Variants in SPAG16 observed in about 807,000 individuals in gnomAD.
The protein encoded by SPAG16 is sperm-associated antigen 16 protein.
SPAG16 carries 86 observed loss-of-function variants against 80.4 expected under a neutral mutation model. The observed-to-expected ratio is 1.07, with a 90% CI of 0.90 to 1.28. The LOEUF is 1.28. Ranked by LOEUF, SPAG16 falls within the 50% of genes most tolerant of loss-of-function variation. The pLI is 0.00. For synonymous variants in SPAG16, 294 were observed against 265.9 expected (o/e 1.11, Z -1.03); for missense variants, 870 against 765.3 (o/e 1.14, Z -1.61).
chr2:214,028,168 A>G (rs929772855), intron 13 of SPAG16, among the ~76,000 whole-genome samples: 4 of 151,832 alleles, frequency 2.6e-5, no homozygotes, highest in African/African-American at 9.7e-5. Context: ...CCTTTTCCGT[A>G]TTTTCTGTAT....
At chr2:213,851,699 C>T (rs1040271028) in intron 10 of SPAG16, among the ~76,000 whole-genome samples, 3 of 152,150 alleles carry the variant, frequency 2.0e-5, no homozygotes, top group African/African-American at 7.2e-5. Context: ...TTAGCACTAC[C>T]AGCCAGGTGG....
intron 11 of SPAG16, among the ~76,000 whole-genome samples, chr2:213,904,242 G>A (rs1468649113): frequency 6.6e-6 from 1 of 152,122 alleles, no homozygotes. Context: ...CTGTTTTAAA[G>A]CTACTGATAA....
chr2:214,006,116 T>A (rs183241755), intron 12 of SPAG16, among the ~76,000 whole-genome samples: 122 of 151,772 alleles, frequency 8.0e-4, no homozygotes, highest in African/African-American at 2.7e-3. Flanking sequence ...AGATATTTTT[T>A]AATCTTTTTT....
intron 8 of SPAG16, among the ~76,000 whole-genome samples, chr2:213,372,505 T>G (rs968285871): frequency 6.6e-6 from 1 of 152,122 alleles, no homozygotes; most frequent in African/African-American, 2.4e-5. Flanking sequence ...GCTTTTTAAG[T>G]TCGTGTTTTG....
intron 14 of SPAG16, among the ~76,000 whole-genome samples, chr2:214,124,132 T>C (rs2054358713): frequency 6.6e-6 from 1 of 152,092 alleles, no homozygotes; most frequent in Admixed American, 6.6e-5. Context: ...CATAGGACCA[T>C]GTTTGCTGTG....
At chr2:214,149,330 A>G (rs1013242015) in intron 15 of SPAG16, 64 bp downstream of exon 15, 23 of 1,343,836 alleles carry the variant, frequency 1.7e-5, no homozygotes, top group Non-Finnish European at 2.2e-5. Context: ...TTCTGAAACT[A>G]TTTTGTTTCT....
intron 15 of SPAG16, among the ~76,000 whole-genome samples, chr2:214,266,839 A>G (rs1691610978): frequency 6.6e-6 from 1 of 151,864 alleles, no homozygotes; most frequent in Non-Finnish European, 1.5e-5. Flanking sequence ...CCCAATTACA[A>G]AAGAGTTAAA....
chr2:214,291,868 G>A (rs543930044), intron 15 of SPAG16, among the ~76,000 whole-genome samples: 1 of 152,218 alleles, frequency 6.6e-6, no homozygotes, highest in African/African-American at 2.4e-5. Flanking sequence ...ATACTTTCAT[G>A]TGATTTCATG....
At chr2:213,428,490 AC>A (rs2070085574) in intron 9 of SPAG16, among the ~76,000 whole-genome samples, 6 of 152,300 alleles carry the variant, frequency 3.9e-5, no homozygotes, top group Admixed American at 3.9e-4. Flanking sequence ...GCAGTGGCAG[AC>A]TTGGGCATTA....
chr2:213,408,313 A>T (rs1293773962), intron 9 of SPAG16, among the ~76,000 whole-genome samples: 1 of 152,198 alleles, frequency 6.6e-6, no homozygotes, highest in Non-Finnish European at 1.5e-5. Flanking sequence ...AAAAATCCTT[A>T]ACCTAGTAAT....
At chr2:213,886,151 T>A (rs1287481249) in intron 11 of SPAG16, among the ~76,000 whole-genome samples, 1 of 152,120 alleles carries the variant, frequency 6.6e-6, no homozygotes, top group Non-Finnish European at 1.5e-5. Flanking sequence ...GAAGATTCTG[T>A]CAGGATTGGA....
At chr2:213,434,304 A>G (rs1009374890) in intron 9 of SPAG16, among the ~76,000 whole-genome samples, 3 of 152,318 alleles carry the variant, frequency 2.0e-5, no homozygotes, top group Admixed American at 6.5e-5. Context: ...CTCTCAGCAT[A>G]TAGAAAAATC....
chr2:213,728,711 A>G (rs996773014), intron 10 of SPAG16, among the ~76,000 whole-genome samples: 6 of 151,764 alleles, frequency 4.0e-5, no homozygotes, highest in African/African-American at 1.2e-4. Flanking sequence ...CCCTGTCTCT[A>G]CTAAAAATAC....
At chr2:214,073,232 C>CTTTTTTTTTT (rs67988930) in intron 13 of SPAG16, among the ~76,000 whole-genome samples, 1 of 141,072 alleles carries the variant, frequency 7.1e-6, no homozygotes, top group African/African-American at 2.6e-5. Flanking sequence ...GAAATTTTTT[C>CTTTTTTTTTT]TTTTTTTTTT....
At chr2:213,938,524 A>T (rs1465107761) in intron 12 of SPAG16, among the ~76,000 whole-genome samples, 1 of 152,022 alleles carries the variant, frequency 6.6e-6, no homozygotes. Flanking sequence ...TTTAAATTTC[A>T]ATCAAAATAT....
chr2:214,184,200 T>C (rs913898373), intron 15 of SPAG16, among the ~76,000 whole-genome samples: 1 of 152,118 alleles, frequency 6.6e-6, no homozygotes, highest in African/African-American at 2.4e-5. Flanking sequence ...TTGTTTCTTT[T>C]GTTTGTCATT....
intron 10 of SPAG16, among the ~76,000 whole-genome samples, chr2:213,599,196 TGAA>T (rs1299984466): frequency 2.6e-5 from 4 of 152,262 alleles, no homozygotes; most frequent in Admixed American, 6.5e-5. Flanking sequence ...GATTACAGAG[TGAA>T]GAAGAAGGAC....
chr2:213,336,927 C>T (rs1360996863), intron 5 of SPAG16, among the ~76,000 whole-genome samples: 2 of 152,170 alleles, frequency 1.3e-5, no homozygotes, highest in Non-Finnish European at 2.9e-5. Context: ...TAGGTGAGAC[C>T]TCCCAACAGG....
At chr2:213,640,788 G>A (rs2125111070) in intron 10 of SPAG16, among the ~76,000 whole-genome samples, 1 of 152,310 alleles carries the variant, frequency 6.6e-6, no homozygotes, top group Non-Finnish European at 1.5e-5. Context: ...GGGTGTTAAA[G>A]TTAGTAGAAT....
Sources: gnomAD v4.1 joint callset for allele counts (sites outside exome capture counted in the v4.1 genomes callset) on GRCh38, gnomAD v4.1.1 for gene constraint, MANE v1.5 for transcripts, NCBI Gene and HGNC (gene_info 2026-07-23, HGNC 2026-07-21) for gene names.